MNAT1: variants seen among roughly 807,000 people sequenced by gnomAD.
The protein encoded by MNAT1 is MNAT1 component of CDK activating kinase, also known as CDK-activating kinase assembly factor MAT1.
A neutral mutation model predicts 42.0 loss-of-function variants in MNAT1; 43 were observed. The ratio of observed to expected loss-of-function variants is 1.02; its 90% CI spans 0.80 to 1.32. The LOEUF (loss-of-function observed/expected upper bound fraction) is 1.32, where lower values mean the gene tolerates loss of function less well. Among genes scored for constraint, MNAT1 ranks in the 40% most tolerant of loss-of-function variants. The pLI, the probability that MNAT1 is intolerant of heterozygous loss-of-function variation, is 0.00. For missense variants in MNAT1, 306 were observed against 350.4 expected, an observed-to-expected ratio of 0.87 and a Z score of 1.01; for synonymous variants, 118 against 120.0, an observed-to-expected ratio of 0.98 and a Z score of 0.11.
intron 1 of MNAT1, among the ~76,000 whole-genome samples, chr14:60,768,018 C>A (rs2030903108): frequency 6.6e-6 from 1 of 152,194 alleles, no homozygotes; most frequent in Non-Finnish European, 1.5e-5. Flanking sequence ...CCTGCCTCGG[C>A]CTCCCAAAGT....
intron 7 of MNAT1, among the ~76,000 whole-genome samples, chr14:60,945,916 A>G (rs1003371607): frequency 4.6e-5 from 7 of 152,180 alleles, no homozygotes; most frequent in African/African-American, 1.7e-4. Flanking sequence ...ACTTTTCAAC[A>G]TGCTACACAG....
chr14:60,892,282 C>T (rs1371656361), intron 7 of MNAT1, among the ~76,000 whole-genome samples: 1 of 151,974 alleles, frequency 6.6e-6, no homozygotes, highest in Non-Finnish European at 1.5e-5. Flanking sequence ...AAAACTCTCC[C>T]TTTGGTTCAT....
intron 7 of MNAT1, among the ~76,000 whole-genome samples, chr14:60,884,925 C>G (rs1436137133): frequency 1.3e-5 from 2 of 151,960 alleles, no homozygotes; most frequent in Non-Finnish European, 2.9e-5. Flanking sequence ...CCGGGAAAGT[C>G]TTTATTTGTT....
intron 1 of MNAT1, among the ~76,000 whole-genome samples, chr14:60,767,305 A>G (rs1349499282): frequency 6.6e-6 from 1 of 152,186 alleles, no homozygotes; most frequent in East Asian, 1.9e-4. Context: ...TTACTCTGCA[A>G]ACCTGTAGTC....
At chr14:60,752,955 G>A (rs868265050) in intron 1 of MNAT1, among the ~76,000 whole-genome samples, 16 of 152,274 alleles carry the variant, frequency 1.1e-4, no homozygotes, top group Middle Eastern at 6.8e-3. Flanking sequence ...AGTAGAGACA[G>A]GGTTTTGCCA....
intron 7 of MNAT1, among the ~76,000 whole-genome samples, chr14:60,937,577 C>T (rs1470705622): frequency 6.6e-6 from 1 of 152,058 alleles, no homozygotes; most frequent in African/African-American, 2.4e-5. Context: ...CTGTTCTGTT[C>T]CATTGGTCTA....
intron 7 of MNAT1, among the ~76,000 whole-genome samples, chr14:60,915,228 A>G (rs1410966787): frequency 2.0e-5 from 3 of 152,170 alleles, no homozygotes; most frequent in Non-Finnish European, 4.4e-5. Context: ...CTTGGTTTCC[A>G]ATTTTATAGC....
intron 6 of MNAT1, among the ~76,000 whole-genome samples, chr14:60,864,214 T>G (rs2034157579): frequency 2.0e-5 from 3 of 151,792 alleles, no homozygotes; most frequent in Admixed American, 2.0e-4. Flanking sequence ...AAAAAGTACT[T>G]ATATACTAAT....
intron 7 of MNAT1, among the ~76,000 whole-genome samples, chr14:60,927,148 G>A (rs1333581935): frequency 6.6e-6 from 1 of 152,166 alleles, no homozygotes; most frequent in Non-Finnish European, 1.5e-5. Context: ...CTGACTTGAT[G>A]TGGGCCTTCT....
chr14:60,781,633 C>G (rs916718746), intron 1 of MNAT1, among the ~76,000 whole-genome samples: 1 of 152,020 alleles, frequency 6.6e-6, no homozygotes, highest in Non-Finnish European at 1.5e-5. Context: ...TTATCAATCT[C>G]CTTTACATGG....
chr14:60,803,558 G>A (rs2032275347), intron 3 of MNAT1, among the ~76,000 whole-genome samples: 1 of 152,100 alleles, frequency 6.6e-6, no homozygotes, highest in Non-Finnish European at 1.5e-5. Context: ...TACTTTCTGA[G>A]TCTAGAACAT....
intron 1 of MNAT1, among the ~76,000 whole-genome samples, chr14:60,768,922 GT>G (rs1314179122): frequency 1.3e-5 from 2 of 152,096 alleles, no homozygotes; most frequent in Non-Finnish European, 2.9e-5. Context: ...TTTTCAAAAA[GT>G]TACCCTACTC....
intron 7 of MNAT1, among the ~76,000 whole-genome samples, chr14:60,942,097 A>G (rs921556006): frequency 6.7e-6 from 1 of 149,566 alleles, no homozygotes; most frequent in Non-Finnish European, 1.5e-5. Context: ...CTTCTTTTCC[A>G]CACTCCACTA....
chr14:60,750,558 AAGG>A (rs2030042463), intron 1 of MNAT1, among the ~76,000 whole-genome samples: 1 of 146,266 alleles, frequency 6.8e-6, no homozygotes, highest in South Asian at 2.1e-4. Flanking sequence ...TTTTTGAAAC[AAGG>A]AGGAAAAGGA....
At chr14:60,874,777 C>T (rs551865136) in intron 6 of MNAT1, among the ~76,000 whole-genome samples, 8 of 152,192 alleles carry the variant, frequency 5.3e-5, no homozygotes, top group African/African-American at 1.7e-4. Context: ...GTGGAAATAT[C>T]ACCAATAAGC....
chr14:60,745,319 T>A (rs1210539571), intron 1 of MNAT1, among the ~76,000 whole-genome samples: 1 of 152,230 alleles, frequency 6.6e-6, no homozygotes, highest in Non-Finnish European at 1.5e-5. Context: ...CTGGCATCAG[T>A]TACTCCATCA....
intron 6 of MNAT1, among the ~76,000 whole-genome samples, chr14:60,841,189 A>C (rs556633202): frequency 3.6e-4 from 44 of 120,564 alleles, no homozygotes; most frequent in Admixed American, 1.9e-3. Flanking sequence ...CTCCCTTTGT[A>C]TCTCCCCTTT....
chr14:60,949,319 G>A (rs1207522330), intron 7 of MNAT1, among the ~76,000 whole-genome samples: 2 of 151,996 alleles, frequency 1.3e-5, no homozygotes, highest in African/African-American at 2.4e-5. Context: ...GATGACAGGT[G>A]GAAATAATTT....
At chr14:60,790,590 C>CAATA (rs1313088962) in intron 1 of MNAT1, among the ~76,000 whole-genome samples, 2 of 152,088 alleles carry the variant, frequency 1.3e-5, no homozygotes, top group Non-Finnish European at 2.9e-5. Context: ...TCATGATTAT[C>CAATA]AATATAAAAT....
Sources: gnomAD v4.1 joint callset for allele counts (sites outside exome capture counted in the v4.1 genomes callset) on GRCh38, gnomAD v4.1.1 for gene constraint, MANE v1.5 for transcripts, NCBI Gene and HGNC (gene_info 2026-07-23, HGNC 2026-07-21) for gene names.